Variants in SF3B1 observed in about 807,000 individuals in gnomAD.
The protein encoded by SF3B1 is pre-mRNA processing 10.
In SF3B1, 12 loss-of-function variants were observed where a neutral mutation model predicts 153.8. The observed-to-expected ratio is 0.08, with a 90% CI of 0.05 to 0.13. The LOEUF is 0.13. Among genes scored for constraint, SF3B1 ranks in the 10% least tolerant of loss-of-function variants. The probability of loss-of-function intolerance (pLI) is 1.00; values close to 1 mark genes in which losing one functional copy is unlikely to be tolerated. For synonymous variants in SF3B1, 498 were observed against 525.2 expected (o/e 0.95, Z 0.71); for missense variants, 513 against 1,606.1 (o/e 0.32, Z 11.63).
At chr2:197,427,837 G>A (rs1013800422) in intron 1 of SF3B1, among the ~76,000 whole-genome samples, 8 of 151,988 alleles carry the variant, frequency 5.3e-5, no homozygotes, top group African/African-American at 1.9e-4. Context: ...TGGCCAAGAT[G>A]GTGAAACCCC....
intron 20 of SF3B1, chr2:197,398,984 C>T (rs1435140097): frequency 1.7e-6 from 2 of 1,189,744 alleles, no homozygotes; most frequent in South Asian, 1.3e-5. Context: ...AACTGCAAAA[C>T]AAACAGATCT....
intron 5 of SF3B1, among the ~76,000 whole-genome samples, chr2:197,417,266 C>T (rs1249546500): frequency 6.6e-6 from 1 of 151,858 alleles, no homozygotes; most frequent in Non-Finnish European, 1.5e-5. Context: ...GACTATGGAA[C>T]AAGATAGAAA....
chr2:197,434,453 C>T (rs2085489805), intron 1 of SF3B1, among the ~76,000 whole-genome samples: 2 of 152,144 alleles, frequency 1.3e-5, no homozygotes, highest in African/African-American at 4.8e-5. Flanking sequence ...GATTTTATCC[C>T]CAAATCGTTT....
rs1236485699 is a variant in SF3B1 at position 197,402,535 on chromosome 2, C to T, written c.2077+21G>A. ...TCTCCTAAAGAAAAAAAAAAAAAGA[C>T]AAAGTTACATTACAACTTACCATGT... On this transcript the variant is annotated intron_variant, in intron 14 of 24. Transcript: ENST00000335508. This position sits in a 1 kb window ranked among gnomAD's most constrained non-coding sequence, Gnocchi z 4.6. 1.9e-6 allele frequency: 3 copies of T among 1,561,684 alleles called. No individual in the cohort carries two copies. Among genetic ancestry groups the T allele is most frequent in the South Asian group, 2.4e-5 (2 of 83,966 alleles).
At chr2:197,392,836 T>C (rs1320216624) in intron 24 of SF3B1, 136 bp downstream of exon 24, 2 of 624,580 alleles carry the variant, frequency 3.2e-6, no homozygotes, top group Non-Finnish European at 5.6e-6. Flanking sequence ...AGATGACAGG[T>C]TGATAGGTGC....
At chr2:197,404,927 C>T in intron 11 of SF3B1, 149 bp downstream of exon 11, 1 of 582,730 alleles carries the variant, frequency 1.7e-6, no homozygotes, top group Non-Finnish European at 3.1e-6. Flanking sequence ...ACCTGTAATC[C>T]CAGCACTTTG....
intron 21 of SF3B1, 31 bp from the exon 22 acceptor site, chr2:197,398,147 G>C (rs369460789): frequency 2.1e-5 from 32 of 1,541,578 alleles, no homozygotes; most frequent in African/African-American, 1.1e-4. Context: ...ATTAATTATT[G>C]TGACATTAAG....
chr2:197,416,968 T>C (rs2106005301), intron 5 of SF3B1, 57 bp from the exon 6 acceptor site: 1 of 1,530,230 alleles, frequency 6.5e-7, no homozygotes, highest in Non-Finnish European at 8.9e-7. Context: ...TTTTCTACCA[T>C]TAGCGCAATC....
intron 6 of SF3B1, among the ~76,000 whole-genome samples, chr2:197,410,491 C>G (rs1192046039): frequency 6.8e-6 from 1 of 147,416 alleles, no homozygotes; most frequent in Non-Finnish European, 1.5e-5. Flanking sequence ...TGCTTTAGAT[C>G]ACCTATGTAA....
chr2:197,421,628 T>G (rs181019502), intron 2 of SF3B1, among the ~76,000 whole-genome samples: 1 of 152,146 alleles, frequency 6.6e-6, no homozygotes, highest in Admixed American at 6.6e-5. Flanking sequence ...GTACAACTGT[T>G]TGGGAGGCCA....
In SF3B1 at chr2:197,400,030, C is replaced by A; in HGVS notation, c.3013+25G>T. The A allele has an allele frequency of 7.1e-7, 1 of 1,406,050 alleles. No homozygotes were observed. The highest frequency in any genetic ancestry group is 1.2e-5 in the South Asian group (1 of 80,690). 87.1% of individuals were successfully genotyped at this position (1,406,050 alleles called of 1,614,324 possible). A position where few individuals can be genotyped will look rare whatever the true frequency, so the allele number is the denominator to read the frequency against. ...AAAGAAAGTTAAAACAAGAAAAAGT[C>A]TTATGTAACCAGCAAATTCCATACC... On this transcript the variant is annotated intron_variant, in intron 20 of 24. Transcript: ENST00000335508. The surrounding 1 kb of genome is among the most constrained non-coding windows in gnomAD (Gnocchi z 5.0).
At position 197,408,061 on chromosome 2, in the gene SF3B1, A is replaced by T; in HGVS notation, c.1176T>A (p.Ile392=). 6.2e-7 allele frequency: 1 copy of T among 1,613,756 alleles called. No individual in the cohort carries two copies. Among genetic ancestry groups the T allele is most frequent in the Non-Finnish European group, 8.5e-7 (1 of 1,179,690 alleles). Residue 392 remains isoleucine (I), a synonymous_variant, in exon 9 of 25, where the codon ATT becomes ATA. Transcript: ENST00000335508. ...CAGAAAGTGGGCGATTTCTCTCATC[A>T]ATTTCTCTTTCCCACCGCCAAGCCT... ...QLQAWRWERE[I]DERNRPLSDE...
intron 11 of SF3B1, chr2:197,404,737 T>G (rs1454706789): frequency 1.2e-5 from 2 of 167,460 alleles, no homozygotes; most frequent in African/African-American, 4.8e-5. Context: ...GTTAATTTTT[T>G]ATGGGGAAGG....
At chr2:197,419,810 C>T (rs2085210715) in intron 4 of SF3B1, 1 of 225,582 alleles carries the variant, frequency 4.4e-6, no homozygotes. Context: ...AAGAAACAGG[C>T]ACCTAATTTT....
At chr2:197,433,537 A>ACAAAAT (rs755053044) in intron 1 of SF3B1, among the ~76,000 whole-genome samples, 2 of 152,250 alleles carry the variant, frequency 1.3e-5, no homozygotes, top group Non-Finnish European at 2.9e-5. Flanking sequence ...TAGTCTAAAG[A>ACAAAAT]CAAAATAATA....
In SF3B1 at chr2:197,400,963, C is replaced by T. The variant is rs1437243647; in HGVS notation, c.2497-27G>A. The T allele has an allele frequency of 7.0e-7, 1 of 1,427,810 alleles. No homozygotes were observed. Among genetic ancestry groups the T allele is most frequent in the Non-Finnish European group, 9.8e-7 (1 of 1,023,664 alleles). 88.4% of individuals were successfully genotyped at this position (1,427,810 alleles called of 1,614,324 possible). ...TAAAAAGAACAGAAAAACAAAAAAC[C>T]TTTTAGACTGCTTTTCCAAGGAAAT... is the stretch of plus-strand genomic sequence containing the variant. On this transcript the variant is annotated intron_variant, in intron 17 of 24. Coordinates refer to ENST00000335508, the MANE Select transcript of SF3B1 (RefSeq NM_012433.4). This position sits in a 1 kb window ranked among gnomAD's most constrained non-coding sequence, Gnocchi z 5.0.
intron 2 of SF3B1, 150 bp from the exon 3 acceptor site, chr2:197,421,283 CTTCT>C: frequency 1.9e-6 from 1 of 534,812 alleles, no homozygotes; most frequent in East Asian, 3.2e-5. Context: ...CACAATTGGT[CTTCT>C]TTCACTTCAA....
chr2:197,394,536 G>A (rs1355953367), intron 23 of SF3B1, among the ~76,000 whole-genome samples: 1 of 152,164 alleles, frequency 6.6e-6, no homozygotes, highest in Non-Finnish European at 1.5e-5. Context: ...AAAAATCAAT[G>A]AGTTATTCAT....
At chr2:197,419,727 A>T (rs1269129642) in intron 4 of SF3B1, 1 of 222,184 alleles carries the variant, frequency 4.5e-6, no homozygotes, top group Non-Finnish European at 9.0e-6. Context: ...TATGCAAGTA[A>T]AAAAAGAATA....
Sources: gnomAD v4.1 joint callset for allele counts (sites outside exome capture counted in the v4.1 genomes callset) on GRCh38, gnomAD v4.1.1 for gene constraint, Gnocchi (gnomAD v3.1) non-coding constraint, MANE v1.5 for transcripts, NCBI Gene and HGNC (gene_info 2026-07-23, HGNC 2026-07-21) for gene names.